Variants in PLCG2 observed in about 807,000 individuals in gnomAD.
PLCG2 encodes the protein 1-phosphatidylinositol 4,5-bisphosphate phosphodiesterase gamma-2.
A neutral mutation model predicts 175.6 loss-of-function variants in PLCG2; 69 were observed. The observed-to-expected ratio is 0.39, with a 90% CI of 0.32 to 0.48. PLCG2 has a LOEUF of 0.48. PLCG2 is among the 20% of genes least tolerant of loss of function. PLCG2 has a pLI of 0.91. For synonymous variants in PLCG2, 827 were observed against 624.0 expected, an observed-to-expected ratio of 1.33 and a Z score of -4.85; for missense variants, 1,798 against 1,650.9, an observed-to-expected ratio of 1.09 and a Z score of -1.54.
chr16:81,867,979 G>A (rs571924075), intron 5 of PLCG2, among the ~76,000 whole-genome samples: 2 of 152,288 alleles, frequency 1.3e-5, no homozygotes, highest in East Asian at 1.9e-4. Context: ...GATTACAGGC[G>A]TGAGCCACCA....
At position 81,883,285 on chromosome 16, in the gene PLCG2, G is replaced by C. The variant is rs776055769; in HGVS notation, c.709G>C (p.Asp237His). The change falls in exon 9 of 33, where the codon GAT becomes CAT. Residue 237 changes from aspartate to histidine, a missense_variant. Coordinates refer to ENST00000564138, the MANE Select transcript of PLCG2 (RefSeq NM_002661.5). Reference protein sequence around the residue: ...VFILGNTDRPDASAVYLHDFQ... With the variant: ...VFILGNTDRPHASAVYLHDFQ... ...CGAGGATAGGAACACTGACAGGCCGGATGCCTCTGCTGTTTACCTGCATGA... is the reference window on the plus strand; with the variant it reads ...CGAGGATAGGAACACTGACAGGCCGCATGCCTCTGCTGTTTACCTGCATGA... 6.2e-7 allele frequency: 1 copy of C among 1,614,144 alleles called. No homozygotes were observed. The highest frequency in any genetic ancestry group is 1.7e-5 in the Admixed American group (1 of 60,026).
intron 20 of PLCG2, 104 bp from the exon 21 acceptor site, chr16:81,921,094 A>G (rs894528276): frequency 8.8e-6 from 6 of 678,976 alleles, no homozygotes; most frequent in Non-Finnish European, 1.3e-5. Flanking sequence ...CAACTCCTCT[A>G]TCAAAGGATA....
At chr16:81,795,620 A>G (rs1911433307) in intron 2 of PLCG2, among the ~76,000 whole-genome samples, 1 of 152,126 alleles carries the variant, frequency 6.6e-6, no homozygotes, top group Admixed American at 6.5e-5. Context: ...GAGGAAGAGG[A>G]AGAGCAGAGG....
chr16:81,881,046 C>T (rs1908054878), intron 8 of PLCG2, 93 bp downstream of exon 8: 2 of 1,283,836 alleles, frequency 1.6e-6, no homozygotes. Flanking sequence ...CCTGTGTGTG[C>T]AGGCGCTGAC....
chr16:81,794,090 G>C (rs1049110782), intron 2 of PLCG2, among the ~76,000 whole-genome samples: 9 of 152,166 alleles, frequency 5.9e-5, no homozygotes, highest in African/African-American at 1.9e-4. Flanking sequence ...TGCTCTGCCA[G>C]GTGCTGGAGG....
chr16:81,911,135 G>T (rs542251735), intron 18 of PLCG2, among the ~76,000 whole-genome samples: 2 of 152,084 alleles, frequency 1.3e-5, no homozygotes, highest in African/African-American at 4.8e-5. Flanking sequence ...TAGGTCTTGC[G>T]AAGGGTCAAC....
intron 7 of PLCG2, among the ~76,000 whole-genome samples, chr16:81,880,039 A>C (rs1232966966): frequency 6.6e-6 from 1 of 152,236 alleles, no homozygotes; most frequent in African/African-American, 2.4e-5. Context: ...CAGGAGTTCA[A>C]GACCATCCTG....
chr16:81,951,723 T>C (rs1464960841), intron 31 of PLCG2, among the ~76,000 whole-genome samples: 1 of 152,194 alleles, frequency 6.6e-6, no homozygotes, highest in Admixed American at 6.5e-5. Flanking sequence ...AAGAGCAATA[T>C]ATTACAACTA....
At chr16:81,918,029 C>G (rs1348147857) in intron 19 of PLCG2, among the ~76,000 whole-genome samples, 2 of 152,118 alleles carry the variant, frequency 1.3e-5, no homozygotes, top group Admixed American at 1.3e-4. Context: ...GGCCTTTGTC[C>G]ATTTTTAAAT....
chr16:81,896,677 C>A (rs1908906086), intron 13 of PLCG2, among the ~76,000 whole-genome samples: 1 of 152,198 alleles, frequency 6.6e-6, no homozygotes, highest in Non-Finnish European at 1.5e-5. Flanking sequence ...GCCCAGTTCT[C>A]ACCCCCACCA....
At chr16:81,883,427 C>G in intron 9 of PLCG2, 86 bp downstream of exon 9, 1 of 1,083,540 alleles carries the variant, frequency 9.2e-7, no homozygotes, top group Admixed American at 1.8e-5. Flanking sequence ...CCTGTGCTCA[C>G]CTGGTCACCT....
chr16:81,739,633 G>T (rs12920300), intron 1 of PLCG2: 26,580 of 152,320 alleles, frequency 0.17, 2,872 homozygotes, highest in Middle Eastern at 0.33. Context: ...TGTGGGATGA[G>T]GAGAGACAAT....
intron 5 of PLCG2, 54 bp from the exon 6 acceptor site, chr16:81,869,160 C>T: frequency 3.0e-6 from 4 of 1,352,800 alleles, no homozygotes; most frequent in South Asian, 1.2e-5. Flanking sequence ...GCAGCTAAAT[C>T]CTGTGCTGTT....
chr16:81,859,474 G>T (rs1427388267), intron 5 of PLCG2, among the ~76,000 whole-genome samples: 1 of 152,220 alleles, frequency 6.6e-6, no homozygotes, highest in Non-Finnish European at 1.5e-5. Flanking sequence ...CACTCCTGAT[G>T]GCACCAGCCC....
intron 15 of PLCG2, among the ~76,000 whole-genome samples, chr16:81,907,137 A>G (rs1909408289): frequency 6.6e-6 from 1 of 152,044 alleles, no homozygotes; most frequent in Admixed American, 6.6e-5. Flanking sequence ...AACTTAAAGT[A>G]TAATAAAAAA....
chr16:81,820,009 C>T (rs896628877), intron 2 of PLCG2, among the ~76,000 whole-genome samples: 2 of 152,152 alleles, frequency 1.3e-5, no homozygotes, highest in African/African-American at 4.8e-5. Flanking sequence ...CATTGACTAC[C>T]CTCCAGGGAG....
At chr16:81,869,680 G>A (rs984788888) in intron 6 of PLCG2, among the ~76,000 whole-genome samples, 3 of 152,160 alleles carry the variant, frequency 2.0e-5, no homozygotes, top group South Asian at 2.1e-4. Context: ...TACCAGGACC[G>A]TGGCATTTTG....
chr16:81,920,458 G>A (rs1910014946), intron 20 of PLCG2, among the ~76,000 whole-genome samples: 1 of 152,162 alleles, frequency 6.6e-6, no homozygotes. Context: ...ATATAATAAA[G>A]CAAAGAAAAC....
intron 3 of PLCG2, 64 bp downstream of exon 3, chr16:81,854,651 C>G: frequency 6.8e-7 from 1 of 1,469,674 alleles, no homozygotes; most frequent in South Asian, 1.2e-5. Context: ...AAGAAGTTCG[C>G]TAATAGCAGA....
Sources: gnomAD v4.1 joint callset for allele counts (sites outside exome capture counted in the v4.1 genomes callset) on GRCh38, gnomAD v4.1.1 for gene constraint, MANE v1.5 for transcripts, NCBI Gene and HGNC (gene_info 2026-07-23, HGNC 2026-07-21) for gene names.